The following NRXN1 variants were observed in gnomAD, a reference collection of about 807,000 sequenced individuals.
NRXN1 encodes neurexin 1, also known as neurexin-1.
In NRXN1, 39 loss-of-function variants were observed where a neutral mutation model predicts 150.9. That is an observed-to-expected ratio of 0.26 (90% CI 0.20 to 0.34). The LOEUF is 0.34. Among genes scored for constraint, NRXN1 ranks in the 10% least tolerant of loss-of-function variants. NRXN1 has a pLI of 1.00. For missense variants in NRXN1, 1,815 were observed against 1,949.9 expected (o/e 0.93, Z 1.30); for synonymous variants, 924 against 757.0 (o/e 1.22, Z -3.62).
At chr2:50,950,623 A>T (rs1305336584) in intron 2 of NRXN1, among the ~76,000 whole-genome samples, 1 of 152,208 alleles carries the variant, frequency 6.6e-6, no homozygotes, top group Non-Finnish European at 1.5e-5. Flanking sequence ...AATCCCTGGC[A>T]CTAAATGCTA....
chr2:50,340,578 T>C (rs1171686724), intron 17 of NRXN1, among the ~76,000 whole-genome samples: 1 of 152,008 alleles, frequency 6.6e-6, no homozygotes, highest in African/African-American at 2.4e-5. Flanking sequence ...TTTGCAAAAA[T>C]ATCTCCAGTT....
chr2:50,131,726 G>C (rs577081000), intron 18 of NRXN1, among the ~76,000 whole-genome samples: 1 of 152,212 alleles, frequency 6.6e-6, no homozygotes, highest in South Asian at 2.1e-4. Context: ...TGTTTTAAAG[G>C]CTAGAGAGAG....
intron 2 of NRXN1, among the ~76,000 whole-genome samples, chr2:50,938,890 G>A (rs1319152719): frequency 6.6e-6 from 1 of 152,068 alleles, no homozygotes; most frequent in African/African-American, 2.4e-5. Flanking sequence ...ATATTTATAG[G>A]AAGTAAATAA....
chr2:50,427,674 A>T (rs181075332), intron 17 of NRXN1, among the ~76,000 whole-genome samples: 2 of 152,370 alleles, frequency 1.3e-5, no homozygotes, highest in East Asian at 3.9e-4. Context: ...TGATAAAAAT[A>T]TCTAACCTAA....
At chr2:50,080,771 C>G (rs1697835637) in intron 19 of NRXN1, among the ~76,000 whole-genome samples, 2 of 152,018 alleles carry the variant, frequency 1.3e-5, no homozygotes, top group Non-Finnish European at 2.9e-5. Flanking sequence ...AAAAAATTAT[C>G]TGAGCTAGTA....
chr2:50,745,398 T>TTCCCC (rs1559201264), intron 5 of NRXN1, among the ~76,000 whole-genome samples: 1 of 107,608 alleles, frequency 9.3e-6, no homozygotes, highest in African/African-American at 3.5e-5. Flanking sequence ...TTCCTCTCCC[T>TTCCCC]TCCCCTCCCC....
intron 2 of NRXN1, among the ~76,000 whole-genome samples, chr2:51,014,539 A>C (rs988177625): frequency 2.6e-5 from 4 of 152,074 alleles, no homozygotes; most frequent in Non-Finnish European, 4.4e-5. Flanking sequence ...ACATTGCATT[A>C]GCTTATACAG....
intron 2 of NRXN1, among the ~76,000 whole-genome samples, chr2:50,941,784 A>C (rs756932154): frequency 1.3e-5 from 2 of 152,248 alleles, no homozygotes; most frequent in African/African-American, 4.8e-5. Context: ...AAAGTTTTGA[A>C]AATTTGCAAC....
intron 2 of NRXN1, among the ~76,000 whole-genome samples, chr2:51,010,598 G>A (rs1313522494): frequency 4.6e-5 from 7 of 151,916 alleles, no homozygotes; most frequent in African/African-American, 1.4e-4. Context: ...GCTTGTTCAG[G>A]TATTTCTGTT....
intron 17 of NRXN1, among the ~76,000 whole-genome samples, chr2:50,373,395 A>G (rs2021865): frequency 0.12 from 17,868 of 148,302 alleles, 1,792 homozygotes; most frequent in East Asian, 0.35. Context: ...TGTTGTTGAT[A>G]TTCCTCTTCC....
At chr2:50,838,430 T>A (rs1254018272) in intron 5 of NRXN1, among the ~76,000 whole-genome samples, 1 of 152,112 alleles carries the variant, frequency 6.6e-6, no homozygotes, top group East Asian at 1.9e-4. Context: ...TCCAGCCATG[T>A]AGGACCTAAA....
At chr2:49,949,647 T>C (rs894864694) in intron 21 of NRXN1, among the ~76,000 whole-genome samples, 1 of 144,634 alleles carries the variant, frequency 6.9e-6, no homozygotes, top group African/African-American at 2.9e-5. Context: ...AAATTTTAAT[T>C]GAAAGTTTAT....
At chr2:50,324,399 T>C (rs2076251788) in intron 17 of NRXN1, among the ~76,000 whole-genome samples, 2 of 152,228 alleles carry the variant, frequency 1.3e-5, no homozygotes, top group Non-Finnish European at 2.9e-5. Context: ...AGAGTCAATA[T>C]ACTTAAAGAC....
At chr2:50,013,273 CTTT>C (rs3046630) in intron 21 of NRXN1, among the ~76,000 whole-genome samples, 3 of 136,148 alleles carry the variant, frequency 2.2e-5, no homozygotes, top group Non-Finnish European at 3.1e-5. Flanking sequence ...ATTAAAGTTT[CTTT>C]TTTTTTTTTT....
chr2:50,197,311 C>T (rs534143612), intron 18 of NRXN1, among the ~76,000 whole-genome samples: 1 of 152,018 alleles, frequency 6.6e-6, no homozygotes, highest in Non-Finnish European at 1.5e-5. Flanking sequence ...AGTCTAAGAA[C>T]CATTCTTACA....
Position 50,108,751 on chromosome 2 carries a change from G to A in NRXN1, c.3547-17257C>T, listed in dbSNP as rs189978799. Among the ~76,000 whole-genome samples, 102 of 152,116 alleles carry A rather than the reference G, an allele frequency of 6.7e-4. 3 individuals carry two copies. Among genetic ancestry groups the A allele is most frequent in the African/African-American group, 1.9e-3 (81 of 41,544 alleles). Reference sequence around the variant, plus strand: ...CAACATCATGCTTAACACTAAAAGCGTTCCCAATGAAGTAAAACAGTTTTA... The same window carrying A: ...CAACATCATGCTTAACACTAAAAGCATTCCCAATGAAGTAAAACAGTTTTA... On this transcript the variant is annotated intron_variant, in intron 18 of 22. Coordinates refer to ENST00000401669, the MANE Select transcript of NRXN1 (RefSeq NM_001330078.2).
chr2:50,533,006 G>A (rs1162924140), intron 10 of NRXN1, among the ~76,000 whole-genome samples: 1 of 152,154 alleles, frequency 6.6e-6, no homozygotes, highest in East Asian at 1.9e-4. Context: ...TGATACAACT[G>A]TGTTCAATAT....
rs1420472226 is a variant in NRXN1, at chr2:50,598,524, T to A, written c.1320+21498A>T. On this transcript the variant is annotated intron_variant, in intron 8 of 22. Coordinates refer to ENST00000401669, the MANE Select transcript of NRXN1 (RefSeq NM_001330078.2). ...GCCATTTATACACATACTTATAAGC[T>A]GTAATCCTAACTCTCCTATATATGT... is the stretch of plus-strand genomic sequence containing the variant. Among the ~76,000 whole-genome samples, 3 of 151,188 alleles carry A rather than the reference T, an allele frequency of 2.0e-5. No homozygotes were observed. The East Asian group carries it at 5.8e-4, about 29-fold the overall frequency.
chr2:50,076,761 T>A (rs1697170838), intron 19 of NRXN1, among the ~76,000 whole-genome samples: 1 of 152,142 alleles, frequency 6.6e-6, no homozygotes, highest in African/African-American at 2.4e-5. Context: ...CACTTCTCCA[T>A]CTAGACAAAG....
Sources: gnomAD v4.1 joint callset for allele counts (sites outside exome capture counted in the v4.1 genomes callset) on GRCh38, gnomAD v4.1.1 for gene constraint, MANE v1.5 for transcripts, NCBI Gene and HGNC (gene_info 2026-07-23, HGNC 2026-07-21) for gene names.